NUP210: variants seen among roughly 807,000 people sequenced by gnomAD.
NUP210 encodes nuclear pore membrane glycoprotein 210.
A neutral mutation model predicts 196.0 loss-of-function variants in NUP210; 151 were observed. That is an observed-to-expected ratio of 0.77 (90% CI 0.67 to 0.88). The LOEUF (loss-of-function observed/expected upper bound fraction) is 0.88. NUP210 is among the 40% of genes least tolerant of loss of function. The pLI, the probability that NUP210 is intolerant of heterozygous loss-of-function variation, is 0.00. For missense variants in NUP210, 2,314 were observed against 2,493.7 expected (o/e 0.93, Z 1.53); for synonymous variants, 1,070 against 1,052.7 (o/e 1.02, Z -0.32).
At chr3:13,356,918 C>G (rs982277094) in intron 16 of NUP210, among the ~76,000 whole-genome samples, 1 of 152,214 alleles carries the variant, frequency 6.6e-6, no homozygotes, top group Non-Finnish European at 1.5e-5. Flanking sequence ...CAAGGTGGCC[C>G]GCTCAGCTCA....
At chr3:13,418,960 AAAAAAAAAAAAAAG>A (rs1396687034) in intron 1 of NUP210, among the ~76,000 whole-genome samples, 25 of 116,744 alleles carry the variant, frequency 2.1e-4, no homozygotes, top group African/African-American at 5.5e-4. Context: ...AAAAAAAAAA[AAAAAAAAAAAAAAG>A]AAAGAAAGAA....
At position 13,397,338 on chromosome 3, in the gene NUP210, A is replaced by T. The variant is rs745437947; in HGVS notation, c.436+19T>A. ...CTAGCATGGGCTGCAGAAGACAAAC[A>T]GGCAGGGGACGTTCTCACCTTCGGA... On this transcript the variant is annotated intron_variant, in intron 3 of 39. Coordinates refer to ENST00000254508, the MANE Select transcript of NUP210 (RefSeq NM_024923.4). The T allele has an allele frequency of 1.2e-6, 2 of 1,605,628 alleles. No individual in the cohort carries two copies. The highest frequency in any genetic ancestry group is 1.7e-5 in the Admixed American group (1 of 57,830).
Position 13,386,386 on chromosome 3 carries a change from T to C in NUP210, c.706A>G (p.Arg236Gly), listed in dbSNP as rs568830386. The C allele has an allele frequency of 3.5e-5, 56 of 1,614,204 alleles. No homozygotes were observed. In the South Asian group the frequency reaches 6.0e-4, roughly 17 times the overall value. The change falls in exon 6 of 40, where the codon AGG becomes GGG. Residue 236 changes from arginine to glycine, a missense_variant. Arg to Gly is a moderately radical substitution (Grantham distance 125). Transcript: ENST00000254508. ...VYKNVRPAEVRLLILENILLN... is the reference protein window; with the variant it reads ...VYKNVRPAEVGLLILENILLN... ...AGGATGTTTTCCAAAATCAGCAGCC[T>C]GACTTCTGCAGGGCGTACATTCTTG...
intron 5 of NUP210, among the ~76,000 whole-genome samples, chr3:13,387,989 T>G (rs1383222509): frequency 6.6e-6 from 1 of 151,922 alleles, no homozygotes; most frequent in African/African-American, 2.4e-5. Flanking sequence ...ACCAGCACGG[T>G]GGGGGCACCA....
chr3:13,371,973 C>G lies in NUP210; in HGVS notation c.1647G>C (p.Val549=). The change falls in exon 13 of 40, where the codon GTG becomes GTC. Residue 549 remains valine (V), a synonymous_variant. Coordinates refer to ENST00000254508, the MANE Select transcript of NUP210 (RefSeq NM_024923.4). ...EFAPCQVEAR[V]GQALELPLRI... ...TCAGGGGCAGCTCCAGGGCCTGGCC[C>G]ACACGTGCCTCCACCTGGCACGGGG... The G allele has an allele frequency of 6.2e-7, 1 of 1,602,222 alleles. No homozygotes were observed. Among genetic ancestry groups the G allele is most frequent in the Non-Finnish European group, 8.5e-7 (1 of 1,174,538 alleles).
At chr3:13,361,634 G>A (rs1219238459) in intron 14 of NUP210, among the ~76,000 whole-genome samples, 7 of 152,164 alleles carry the variant, frequency 4.6e-5, no homozygotes, top group Non-Finnish European at 8.8e-5. Flanking sequence ...TCCCACTGCA[G>A]TGACTGCCAA....
At chr3:13,412,231 C>CTTTTTTCTTT (rs1322765563) in intron 1 of NUP210, among the ~76,000 whole-genome samples, 1 of 104,790 alleles carries the variant, frequency 9.5e-6, no homozygotes, top group Non-Finnish European at 1.8e-5. Flanking sequence ...TTTTCCTTTT[C>CTTTTTTCTTT]TTTTTTTTTT....
At chr3:13,352,217 G>A (rs1363571706) in intron 18 of NUP210, 33 bp from the exon 19 acceptor site, 1 of 1,535,588 alleles carries the variant, frequency 6.5e-7, no homozygotes, top group South Asian at 1.1e-5. Context: ...TTAGATCCAG[G>A]AGGACATGAT....
intron 20 of NUP210, among the ~76,000 whole-genome samples, chr3:13,349,134 T>C (rs1004909959): frequency 1.3e-5 from 2 of 149,252 alleles, no homozygotes; most frequent in African/African-American, 5.1e-5. Flanking sequence ...GAAGCATTTA[T>C]TGGAGAAAGC....
intron 14 of NUP210, 101 bp downstream of exon 14, chr3:13,365,845 A>T: frequency 7.8e-7 from 1 of 1,286,098 alleles, no homozygotes; most frequent in Non-Finnish European, 1.1e-6. Context: ...GCTATTTTGA[A>T]GGAATCGGGT....
Position 13,388,194 on chromosome 3 carries a change from C to A in NUP210, c.684+109G>T, listed in dbSNP as rs1576409288. ...ATCCTGAAATCACGGGACAGCATCTCACTTCCACTATTCAACGTGCCTATA... is the reference window on the plus strand; with the variant it reads ...ATCCTGAAATCACGGGACAGCATCTAACTTCCACTATTCAACGTGCCTATA... On this transcript the variant is annotated intron_variant, in intron 5 of 39. Transcript: ENST00000254508. 10 of 776,674 alleles carry A rather than the reference C, an allele frequency of 1.3e-5. 1 individual carries two copies. The highest frequency in any genetic ancestry group is 3.9e-5 in the South Asian group (2 of 51,408). 48.1% of individuals were successfully genotyped at this position (776,674 alleles called of 1,614,324 possible). A position where few individuals can be genotyped will look rare whatever the true frequency, so the allele number is the denominator to read the frequency against.
intron 6 of NUP210, among the ~76,000 whole-genome samples, chr3:13,382,953 C>G (rs1282284337): frequency 6.6e-6 from 1 of 151,972 alleles, no homozygotes; most frequent in Non-Finnish European, 1.5e-5. Context: ...TGAGACCAGC[C>G]TGGACAACAC....
chr3:13,419,848 G>A (rs1450487244), intron 1 of NUP210, among the ~76,000 whole-genome samples: 1 of 151,928 alleles, frequency 6.6e-6, no homozygotes, highest in Non-Finnish European at 1.5e-5. Context: ...CTCTGCTCGC[G>A]CCTCAGCGGC....
intron 20 of NUP210, among the ~76,000 whole-genome samples, chr3:13,349,332 T>C (rs1215432942): frequency 6.6e-6 from 1 of 152,178 alleles, no homozygotes; most frequent in Non-Finnish European, 1.5e-5. Context: ...AGCTTTTCTT[T>C]TCTTACCATG....
chr3:13,354,945 C>T (rs1332995541), intron 16 of NUP210, among the ~76,000 whole-genome samples: 1 of 152,198 alleles, frequency 6.6e-6, no homozygotes, highest in Admixed American at 6.5e-5. Context: ...TGTGGGCTAT[C>T]CCTCCCTTCT....
chr3:13,376,452 GGA>G, intron 9 of NUP210, 21 bp from the exon 10 acceptor site: 1 of 1,613,938 alleles, frequency 6.2e-7, no homozygotes, highest in Non-Finnish European at 8.5e-7. Context: ...AGGCAGGACA[GGA>G]GAGAGGTGCT....
intron 13 of NUP210, among the ~76,000 whole-genome samples, chr3:13,366,879 C>G (rs531085811): frequency 3.3e-5 from 5 of 151,972 alleles, no homozygotes; most frequent in Non-Finnish European, 5.9e-5. Context: ...AATCCCAGCA[C>G]TTTGGGAGGC....
chr3:13,388,644 C>G (rs759908491), intron 4 of NUP210, among the ~76,000 whole-genome samples, 191 bp from the exon 5 acceptor site: 1 of 152,256 alleles, frequency 6.6e-6, no homozygotes, highest in African/African-American at 2.4e-5. Flanking sequence ...CTGCCAAAGT[C>G]CTTGTGAAAA....
rs539238940 is a variant in NUP210 at position 13,351,656 on chromosome 3, T to A, written c.2835+223A>T. ...CCTGTGCTACCATGCCCAGCTAATT[T>A]TTGATTTTTCTTTTTTTTTTTGTAG... On this transcript the variant is annotated intron_variant, in intron 20 of 39. Coordinates refer to ENST00000254508, the MANE Select transcript of NUP210 (RefSeq NM_024923.4). 1.2e-5 allele frequency: 6 copies of A among 481,418 alleles called. No homozygotes were observed. In the East Asian group the frequency reaches 1.8e-4, roughly 14 times the overall value. The allele number at this position is 481,418 out of a possible 1,614,324, so 29.8% of individuals were successfully genotyped here.
Sources: allele counts gnomAD v4.1 joint callset (sites outside exome capture counted in the v4.1 genomes callset), GRCh38; gene constraint gnomAD v4.1.1; transcripts MANE v1.5; gene names NCBI Gene and HGNC (gene_info 2026-07-23, HGNC 2026-07-21).